The following KCNIP4 variants were observed in gnomAD, a reference collection of about 807,000 sequenced individuals.
KCNIP4 encodes the protein Kv channel-interacting protein 4.
A neutral mutation model predicts 34.0 loss-of-function variants in KCNIP4; 12 were observed. The observed-to-expected ratio is 0.35, with a 90% CI of 0.23 to 0.57. KCNIP4 has a LOEUF of 0.57. Among genes scored for constraint, KCNIP4 ranks in the 20% least tolerant of loss-of-function variants. KCNIP4 has a pLI of 0.83. For missense variants in KCNIP4, 238 were observed against 311.7 expected (o/e 0.76, Z 1.78); for synonymous variants, 124 against 102.2 (o/e 1.21, Z -1.29).
chr4:21,793,916 A>C (rs567372755), intron 1 of KCNIP4, among the ~76,000 whole-genome samples: 1 of 152,354 alleles, frequency 6.6e-6, no homozygotes, highest in South Asian at 2.1e-4. Context: ...TGGATTAAGA[A>C]AATGTGGCAC....
chr4:21,358,080 A>G (rs1718832661), intron 1 of KCNIP4, among the ~76,000 whole-genome samples: 1 of 152,126 alleles, frequency 6.6e-6, no homozygotes, highest in South Asian at 2.1e-4. Context: ...CAGAAAATCA[A>G]ACACCGCCTG....
rs1747974800 is a variant in KCNIP4 at position 21,101,856 on chromosome 4, C to A, written c.62-219147G>T. 2.0e-5 allele frequency among the ~76,000 whole-genome samples: 3 copies of A among 152,160 alleles called. 1 individual carries two copies. Among genetic ancestry groups the A allele is most frequent in the South Asian group, 4.1e-4 (2 of 4,834 alleles). ...GATTACAGAGGGAACAGGTCTTAAA[C>A]ATAGAAACTATGATTTAAGTGTATG... On this transcript the variant is annotated intron_variant, in intron 1 of 8. Transcript: ENST00000382152.
chr4:20,753,863 TA>T (rs1754056144), intron 4 of KCNIP4, among the ~76,000 whole-genome samples: 1 of 152,100 alleles, frequency 6.6e-6, no homozygotes, highest in African/African-American at 2.4e-5. Context: ...AGCGGCTGCT[TA>T]AAAAATGTTT....
intron 3 of KCNIP4, among the ~76,000 whole-genome samples, chr4:20,793,962 G>T (rs1172139959): frequency 1.3e-5 from 2 of 152,126 alleles, no homozygotes; most frequent in Non-Finnish European, 2.9e-5. Flanking sequence ...AGTCATGGGA[G>T]TGAATCTTTC....
intron 1 of KCNIP4, among the ~76,000 whole-genome samples, chr4:20,923,529 G>T (rs1392094679): frequency 6.6e-6 from 1 of 152,210 alleles, no homozygotes; most frequent in African/African-American, 2.4e-5. Flanking sequence ...TTCATAATTT[G>T]TAATAGTGAC....
chr4:21,625,164 T>C (rs1389812888), intron 1 of KCNIP4, among the ~76,000 whole-genome samples: 1 of 152,050 alleles, frequency 6.6e-6, no homozygotes, highest in Non-Finnish European at 1.5e-5. Flanking sequence ...ATGATGATGA[T>C]GATAAAATAA....
At chr4:20,756,728 A>G (rs1414209057) in intron 4 of KCNIP4, among the ~76,000 whole-genome samples, 1 of 151,940 alleles carries the variant, frequency 6.6e-6, no homozygotes, top group Non-Finnish European at 1.5e-5. Flanking sequence ...GCCACATCCC[A>G]AAGAGACCTT....
intron 1 of KCNIP4, among the ~76,000 whole-genome samples, chr4:21,641,867 A>C (rs1013928846): frequency 1.3e-5 from 2 of 152,132 alleles, no homozygotes; most frequent in African/African-American, 4.8e-5. Flanking sequence ...CTGAGTGCCC[A>C]ATGTGCCAGC....
At chr4:21,218,538 A>C (rs992262981) in intron 1 of KCNIP4, among the ~76,000 whole-genome samples, 18 of 152,182 alleles carry the variant, frequency 1.2e-4, no homozygotes, top group African/African-American at 3.9e-4. Context: ...ATATAAATCA[A>C]TGGGTCTCAG....
intron 2 of KCNIP4, among the ~76,000 whole-genome samples, chr4:20,868,653 C>T (rs752146269): frequency 6.6e-5 from 10 of 152,032 alleles, no homozygotes; most frequent in Non-Finnish European, 1.5e-4. Context: ...AAATACTATG[C>T]AGCCATTAAA....
At chr4:21,626,059 G>C (rs1316449467) in intron 1 of KCNIP4, among the ~76,000 whole-genome samples, 2 of 152,078 alleles carry the variant, frequency 1.3e-5, no homozygotes, top group African/African-American at 2.4e-5. Flanking sequence ...TACAAATGTT[G>C]CATGAGGCAT....
chr4:21,135,465 CACTAA>C (rs924046782), intron 1 of KCNIP4, among the ~76,000 whole-genome samples: 28 of 152,292 alleles, frequency 1.8e-4, no homozygotes, highest in Middle Eastern at 3.4e-3. Flanking sequence ...TTTCTTCAAC[CACTAA>C]ACTAGTCACC....
intron 6 of KCNIP4, 70 bp downstream of exon 6, chr4:20,734,558 C>T: frequency 2.7e-6 from 2 of 731,068 alleles, no homozygotes; most frequent in Non-Finnish European, 4.3e-6. Flanking sequence ...TTAATAATTG[C>T]AATTAATATT....
chr4:21,467,414 GCCTCATTGCTCA>G (rs1429118009), intron 1 of KCNIP4, among the ~76,000 whole-genome samples: 1 of 152,130 alleles, frequency 6.6e-6, no homozygotes, highest in African/African-American at 2.4e-5. Context: ...CACGCAGCCT[GCCTCATTGCTCA>G]CAACACTACA....
intron 1 of KCNIP4, among the ~76,000 whole-genome samples, chr4:21,792,396 T>C (rs1720356484): frequency 6.6e-6 from 1 of 152,208 alleles, no homozygotes; most frequent in Admixed American, 6.5e-5. Context: ...ATGGCATATA[T>C]AGATTTTGAA....
chr4:21,815,174 C>T (rs576770867), intron 1 of KCNIP4, among the ~76,000 whole-genome samples: 8 of 152,118 alleles, frequency 5.3e-5, no homozygotes, highest in Non-Finnish European at 1.0e-4. Flanking sequence ...TCATCTCAGC[C>T]ACCAACTAGC....
At chr4:21,615,953 C>T (rs1744564666) in intron 1 of KCNIP4, among the ~76,000 whole-genome samples, 1 of 152,178 alleles carries the variant, frequency 6.6e-6, no homozygotes, top group African/African-American at 2.4e-5. Context: ...GGTTTCTATC[C>T]ATGCCCTTTA....
At chr4:20,980,824 G>A (rs930500103) in intron 1 of KCNIP4, among the ~76,000 whole-genome samples, 7 of 150,006 alleles carry the variant, frequency 4.7e-5, no homozygotes, top group Non-Finnish European at 7.4e-5. Flanking sequence ...AAAAAAAAAA[G>A]AGGCTAATTC....
intron 1 of KCNIP4, among the ~76,000 whole-genome samples, chr4:21,038,379 T>TTGGTGCTTGGGGAGTTCAGAG (rs1741650826): frequency 1.3e-5 from 2 of 152,168 alleles, no homozygotes; most frequent in African/African-American, 2.4e-5. Flanking sequence ...ATTATTACCT[T>TTGGTGCTTGGGGAGTTCAGAG]TGGTGCTTGG....
Sources: gnomAD v4.1 joint callset for allele counts (sites outside exome capture counted in the v4.1 genomes callset) on GRCh38, gnomAD v4.1.1 for gene constraint, MANE v1.5 for transcripts, NCBI Gene and HGNC (gene_info 2026-07-23, HGNC 2026-07-21) for gene names.